The following GRID2 variants were observed in gnomAD, a reference collection of about 807,000 sequenced individuals.
GRID2 encodes the protein glutamate receptor ionotropic, delta-2.
A neutral mutation model predicts 114.8 loss-of-function variants in GRID2; 33 were observed. That is an observed-to-expected ratio of 0.29 (90% CI 0.22 to 0.38). The LOEUF (loss-of-function observed/expected upper bound fraction) is 0.38, where lower values mean the gene tolerates loss of function less well. Ranked by LOEUF, GRID2 falls within the 10% of genes least tolerant of loss-of-function variation. The pLI is 1.00. For synonymous variants in GRID2, 505 were observed against 449.9 expected (o/e 1.12, Z -1.55); for missense variants, 1,184 against 1,257.7 (o/e 0.94, Z 0.89).
intron 3 of GRID2, among the ~76,000 whole-genome samples, chr4:93,096,696 A>G (rs553965757): frequency 3.9e-5 from 6 of 152,132 alleles, no homozygotes; most frequent in South Asian, 2.1e-4. Flanking sequence ...TGACAATCCA[A>G]TTGCACCTCT....
intron 4 of GRID2, among the ~76,000 whole-genome samples, chr4:93,170,602 T>C (rs1738712289): frequency 6.6e-6 from 1 of 152,216 alleles, no homozygotes; most frequent in Admixed American, 6.5e-5. Context: ...GGGGCATTAA[T>C]TCTGACCCAA....
chr4:92,366,061 G>C (rs1243033255), intron 1 of GRID2, among the ~76,000 whole-genome samples: 1 of 151,952 alleles, frequency 6.6e-6, no homozygotes, highest in Admixed American at 6.6e-5. Context: ...TACTTCCCTT[G>C]TACTTTGCTC....
intron 1 of GRID2, among the ~76,000 whole-genome samples, chr4:92,405,266 T>G (rs1730971572): frequency 6.6e-6 from 1 of 152,200 alleles, no homozygotes; most frequent in Admixed American, 6.6e-5. Flanking sequence ...TTAAACATGT[T>G]AATGCATTTA....
chr4:92,361,955 T>C (rs1484321932), intron 1 of GRID2, among the ~76,000 whole-genome samples: 1 of 152,018 alleles, frequency 6.6e-6, no homozygotes, highest in African/African-American at 2.4e-5. Context: ...TATTATGTTA[T>C]TTGTAGAGAG....
At chr4:93,226,701 G>A (rs914901732) in intron 7 of GRID2, among the ~76,000 whole-genome samples, 1 of 152,050 alleles carries the variant, frequency 6.6e-6, no homozygotes, top group Non-Finnish European at 1.5e-5. Context: ...GAAACTCTTT[G>A]TGGCAAGTCC....
At chr4:93,519,747 A>C (rs6813717) in intron 13 of GRID2, among the ~76,000 whole-genome samples, 1,619 of 152,304 alleles carry the variant, frequency 0.011, 21 homozygotes, top group African/African-American at 0.036. Context: ...AAGGGGATGT[A>C]CACTCAAATG....
intron 1 of GRID2, among the ~76,000 whole-genome samples, chr4:92,310,485 C>T (rs1301022601): frequency 6.6e-6 from 1 of 151,770 alleles, no homozygotes; most frequent in African/African-American, 2.4e-5. Context: ...CTAAACAGTT[C>T]TGGAATTGAT....
intron 14 of GRID2, among the ~76,000 whole-genome samples, chr4:93,716,094 A>G (rs1728877586): frequency 6.6e-6 from 1 of 152,110 alleles, no homozygotes; most frequent in Non-Finnish European, 1.5e-5. Context: ...TTTCCTAGAT[A>G]TGTGCCCACT....
At chr4:92,813,508 A>G (rs1473668943) in intron 2 of GRID2, among the ~76,000 whole-genome samples, 1 of 152,140 alleles carries the variant, frequency 6.6e-6, no homozygotes, top group Non-Finnish European at 1.5e-5. Flanking sequence ...CATAACACCT[A>G]CCAAAATCAA....
At chr4:93,696,928 C>T (rs1257723016) in intron 14 of GRID2, among the ~76,000 whole-genome samples, 1 of 152,130 alleles carries the variant, frequency 6.6e-6, no homozygotes, top group Non-Finnish European at 1.5e-5. Context: ...CAATTCGTTC[C>T]ACATTATAGA....
intron 11 of GRID2, among the ~76,000 whole-genome samples, chr4:93,476,117 C>T (rs1467576007): frequency 2.0e-5 from 3 of 152,084 alleles, no homozygotes; most frequent in Non-Finnish European, 4.4e-5. Context: ...TGTAAAGAAT[C>T]ATACTATATT....
chr4:93,462,640 G>T (rs917424622), intron 11 of GRID2, among the ~76,000 whole-genome samples: 1 of 152,026 alleles, frequency 6.6e-6, no homozygotes, highest in Non-Finnish European at 1.5e-5. Context: ...CTTTTCTATT[G>T]AATTAGGCAA....
intron 1 of GRID2, among the ~76,000 whole-genome samples, chr4:92,319,917 G>A (rs1726218946): frequency 6.6e-6 from 1 of 152,140 alleles, no homozygotes; most frequent in Admixed American, 6.6e-5. Context: ...CTGTAAATAT[G>A]CTTATTGAAC....
chr4:93,611,127 G>A (rs1740846315), intron 13 of GRID2, among the ~76,000 whole-genome samples: 2 of 108,914 alleles, frequency 1.8e-5, no homozygotes, highest in Middle Eastern at 4.7e-3. Flanking sequence ...ATTCTCTGAT[G>A]GTAGTTTGTA....
intron 5 of GRID2, among the ~76,000 whole-genome samples, chr4:93,215,540 G>A (rs370910581): frequency 2.6e-5 from 4 of 151,866 alleles, no homozygotes; most frequent in Middle Eastern, 3.4e-3. Flanking sequence ...GGAAAAAGAC[G>A]GCATTTTAAA....
chr4:92,724,240 G>A (rs1049966782), intron 2 of GRID2, among the ~76,000 whole-genome samples: 12 of 152,084 alleles, frequency 7.9e-5, no homozygotes, highest in Admixed American at 4.6e-4. Context: ...TGTGTTAAGA[G>A]CAGCCTGGTC....
chr4:93,284,605 T>A (rs1752959811), intron 8 of GRID2, among the ~76,000 whole-genome samples: 2 of 151,814 alleles, frequency 1.3e-5, no homozygotes, highest in Non-Finnish European at 2.9e-5. Context: ...ATCTTCAATT[T>A]CCCCACTCCA....
chr4:92,718,054 AC>A (rs1308103009), intron 2 of GRID2, among the ~76,000 whole-genome samples: 1 of 152,152 alleles, frequency 6.6e-6, no homozygotes, highest in Non-Finnish European at 1.5e-5. Flanking sequence ...TTTGTAGAAA[AC>A]CTGTGAGAAA....
intron 2 of GRID2, among the ~76,000 whole-genome samples, chr4:92,875,525 G>A (rs1745567998): frequency 6.6e-6 from 1 of 152,162 alleles, no homozygotes; most frequent in African/African-American, 2.4e-5. Context: ...ATTTGGTTGT[G>A]TAGGAGTGAA....
Sources: allele counts gnomAD v4.1 joint callset (sites outside exome capture counted in the v4.1 genomes callset), GRCh38; gene constraint gnomAD v4.1.1; transcripts MANE v1.5; gene names NCBI Gene and HGNC (gene_info 2026-07-23, HGNC 2026-07-21).